NEK1: variants seen among roughly 807,000 people sequenced by gnomAD.
NEK1 encodes NIMA related kinase 1.
A neutral mutation model predicts 182.1 loss-of-function variants in NEK1; 137 were observed. The ratio of observed to expected loss-of-function variants is 0.75; its 90% CI spans 0.65 to 0.87. The LOEUF (loss-of-function observed/expected upper bound fraction) is 0.87. NEK1 is among the 40% of genes least tolerant of loss of function. NEK1 has a pLI of 0.00. For synonymous variants in NEK1, 513 were observed against 492.2 expected (o/e 1.04, Z -0.56); for missense variants, 1,391 against 1,494.4 (o/e 0.93, Z 1.14).
chr4:169,604,106 T>TG (rs1229442959), intron 2 of NEK1, among the ~76,000 whole-genome samples: 38 of 152,238 alleles, frequency 2.5e-4, no homozygotes, highest in Non-Finnish European at 4.6e-4. Flanking sequence ...CCTTATGTAA[T>TG]GAAGTCCTTA....
chr4:169,465,334 A>G (rs1458043230), intron 26 of NEK1, among the ~76,000 whole-genome samples: 1 of 152,086 alleles, frequency 6.6e-6, no homozygotes, highest in East Asian at 1.9e-4. Context: ...CCACCACTGG[A>G]ATTTAACCCC....
intron 23 of NEK1, among the ~76,000 whole-genome samples, chr4:169,496,601 T>C (rs969529225): frequency 6.7e-6 from 1 of 149,124 alleles, no homozygotes; most frequent in Non-Finnish European, 1.5e-5. Context: ...TTATTGAGAG[T>C]TTTTAGCATG....
At position 169,562,117 on chromosome 4, in the gene NEK1, C is replaced by T. The variant is rs192292678; in HGVS notation, c.1080+20G>A. On this transcript the variant is annotated intron_variant, in intron 13 of 35. Coordinates refer to ENST00000507142, the MANE Select transcript of NEK1 (RefSeq NM_001199397.3). ...TTATGTTTGCAAAGCTTTAAAATAA[C>T]CAGACAGATGTCTTTATACCTCAGA... 189 of 1,481,646 alleles carry T rather than the reference C, an allele frequency of 1.3e-4. 1 individual carries two copies. In the East Asian group the frequency reaches 2.0e-3, roughly 15 times the overall value. 91.8% of individuals were successfully genotyped at this position (1,481,646 alleles called of 1,614,324 possible). A position where few individuals can be genotyped will look rare whatever the true frequency, so the allele number is the denominator to read the frequency against.
At chr4:169,450,183 A>T (rs1741432165) in intron 27 of NEK1, among the ~76,000 whole-genome samples, 1 of 152,230 alleles carries the variant, frequency 6.6e-6, no homozygotes, top group African/African-American at 2.4e-5. Flanking sequence ...ACTATGTGAA[A>T]AGACCAAATC....
intron 2 of NEK1, among the ~76,000 whole-genome samples, chr4:169,604,321 A>G (rs539271736): frequency 3.3e-5 from 5 of 152,384 alleles, no homozygotes; most frequent in Admixed American, 6.5e-5. Context: ...AGGAGAAGCC[A>G]GAATACAATA....
At chr4:169,428,439 T>C (rs1736825120) in intron 29 of NEK1, among the ~76,000 whole-genome samples, 1 of 145,578 alleles carries the variant, frequency 6.9e-6, no homozygotes, top group Non-Finnish European at 1.5e-5. Flanking sequence ...GATGAAAAAC[T>C]AAAAACAGTA....
intron 11 of NEK1, among the ~76,000 whole-genome samples, chr4:169,578,710 C>A (rs923363051): frequency 6.6e-6 from 1 of 151,970 alleles, no homozygotes; most frequent in Non-Finnish European, 1.5e-5. Context: ...TAATAAATAT[C>A]TATTTTGCAT....
intron 26 of NEK1, among the ~76,000 whole-genome samples, chr4:169,473,592 A>T (rs1459347776): frequency 6.6e-6 from 1 of 152,162 alleles, no homozygotes; most frequent in Non-Finnish European, 1.5e-5. Flanking sequence ...ATGATTTGAA[A>T]ATAAGAGAAG....
rs369845877 is a variant in NEK1 at position 169,553,046 on chromosome 4, T to C, written c.1562+2674A>G. ...AATCCCAATCAAAATCCCAGCATGT[T>C]AGTCTTTAGATATGGACAAACTTAT... On this transcript the variant is annotated intron_variant, in intron 18 of 35. Coordinates refer to ENST00000507142, the MANE Select transcript of NEK1 (RefSeq NM_001199397.3). 5.3e-5 allele frequency among the ~76,000 whole-genome samples: 8 copies of C among 152,206 alleles called. No homozygotes were observed. In the East Asian group the frequency reaches 9.6e-4, roughly 18 times the overall value.
intron 18 of NEK1, among the ~76,000 whole-genome samples, chr4:169,547,490 T>C (rs961434178): frequency 1.3e-5 from 2 of 152,178 alleles, no homozygotes; most frequent in African/African-American, 4.8e-5. Flanking sequence ...TGTGGTGTTC[T>C]CTATACTTCC....
intron 23 of NEK1, among the ~76,000 whole-genome samples, chr4:169,502,359 G>A (rs1357800346): frequency 6.6e-6 from 1 of 151,724 alleles, no homozygotes; most frequent in Non-Finnish European, 1.5e-5. Context: ...TTAAGATGGA[G>A]AGATTCCTCC....
At chr4:169,544,431 T>G (rs1348303564) in intron 18 of NEK1, among the ~76,000 whole-genome samples, 3 of 152,104 alleles carry the variant, frequency 2.0e-5, no homozygotes, top group Non-Finnish European at 2.9e-5. Flanking sequence ...AAATTCTCTT[T>G]TTTTGCTGTG....
chr4:169,595,841 T>C (rs958170742), intron 5 of NEK1, among the ~76,000 whole-genome samples: 1 of 138,980 alleles, frequency 7.2e-6, no homozygotes, highest in African/African-American at 2.7e-5. Flanking sequence ...AAGAATGGCG[T>C]GAACCCGGGA....
rs1469377437 is a variant in NEK1 at position 169,588,640 on chromosome 4, T to C, written c.551+9A>G. 1.9e-5 allele frequency: 28 copies of C among 1,495,856 alleles called. 1 individual carries two copies. In the South Asian group the frequency reaches 2.9e-4, roughly 16 times the overall value. The allele number at this position is 1,495,856 out of a possible 1,614,324, so 92.7% of individuals were successfully genotyped here. On this transcript the variant is annotated intron_variant, in intron 8 of 35. Transcript: ENST00000507142. ...AAATACATCACATAATGAATATCAT[T>C]TTAAATACCTTTTATTATTGTAAGG...
chr4:169,497,353 C>A (rs1044054496), intron 23 of NEK1, among the ~76,000 whole-genome samples: 12 of 152,076 alleles, frequency 7.9e-5, no homozygotes, highest in African/African-American at 2.9e-4. Flanking sequence ...TTCAAAAAAC[C>A]AGCTCCTAGA....
At chr4:169,467,795 C>T (rs887780534) in intron 26 of NEK1, among the ~76,000 whole-genome samples, 1 of 151,928 alleles carries the variant, frequency 6.6e-6, no homozygotes, top group Non-Finnish European at 1.5e-5. Context: ...TTCAACTTTA[C>T]AATGGGTTTA....
At chr4:169,515,052 C>T (rs1754916509) in intron 19 of NEK1, among the ~76,000 whole-genome samples, 1 of 152,108 alleles carries the variant, frequency 6.6e-6, no homozygotes, top group African/African-American at 2.4e-5. Context: ...GTTCTATGTA[C>T]ATCTAAATTT....
chr4:169,581,436 TA>T (rs988168865), intron 10 of NEK1, among the ~76,000 whole-genome samples: 17 of 152,068 alleles, frequency 1.1e-4, no homozygotes, highest in African/African-American at 3.6e-4. Context: ...CAGGCTGATT[TA>T]AAAAAAATTT....
At chr4:169,466,445 TA>T (rs1744938145) in intron 26 of NEK1, among the ~76,000 whole-genome samples, 1 of 100,136 alleles carries the variant, frequency 1.0e-5, no homozygotes. Context: ...GGAATAAAAC[TA>T]AAAATGAGGG....
Sources: gnomAD v4.1 joint callset for allele counts (sites outside exome capture counted in the v4.1 genomes callset) on GRCh38, gnomAD v4.1.1 for gene constraint, MANE v1.5 for transcripts, NCBI Gene and HGNC (gene_info 2026-07-23, HGNC 2026-07-21) for gene names.